The following GPC6 variants were observed in gnomAD, a reference collection of about 807,000 sequenced individuals.
GPC6 encodes glypican 6, also known as glypican-6.
A neutral mutation model predicts 55.2 loss-of-function variants in GPC6; 14 were observed. The ratio of observed to expected loss-of-function variants is 0.25; its 90% confidence interval spans 0.17 to 0.40. The LOEUF is 0.40. Among genes scored for constraint, GPC6 ranks in the 10% least tolerant of loss-of-function variants. The pLI is 1.00. For missense variants in GPC6, 641 were observed against 708.5 expected (o/e 0.90, Z 1.08); for synonymous variants, 278 against 259.6 (o/e 1.07, Z -0.68).
chr13:93,353,769 T>A (rs1880722804), intron 1 of GPC6, among the ~76,000 whole-genome samples: 1 of 152,244 alleles, frequency 6.6e-6, no homozygotes, highest in African/African-American at 2.4e-5. Flanking sequence ...CTTGCTGTTA[T>A]GTTTAATGTC....
chr13:93,663,196 T>A (rs1367895034), intron 2 of GPC6, among the ~76,000 whole-genome samples: 5 of 151,894 alleles, frequency 3.3e-5, no homozygotes, highest in Non-Finnish European at 7.4e-5. Context: ...CTTATTATAA[T>A]TTTTTTTCCT....
chr13:93,740,802 A>T (rs1398834015), intron 2 of GPC6, among the ~76,000 whole-genome samples: 1 of 152,160 alleles, frequency 6.6e-6, no homozygotes, highest in Non-Finnish European at 1.5e-5. Context: ...CAAGACTCAA[A>T]CAGTCTGATG....
chr13:94,033,981 G>A (rs1437203860), intron 4 of GPC6, among the ~76,000 whole-genome samples: 4 of 152,064 alleles, frequency 2.6e-5, no homozygotes, highest in East Asian at 1.9e-4. Flanking sequence ...ATTTGCCCTT[G>A]AGCATTCGTG....
intron 2 of GPC6, among the ~76,000 whole-genome samples, chr13:93,623,027 TG>T (rs1347862220): frequency 6.6e-6 from 1 of 152,222 alleles, no homozygotes; most frequent in Non-Finnish European, 1.5e-5. Context: ...TTTCTGTGCT[TG>T]GCTTATTTGA....
At chr13:93,949,364 C>T (rs764415362) in intron 3 of GPC6, among the ~76,000 whole-genome samples, 3 of 152,144 alleles carry the variant, frequency 2.0e-5, no homozygotes, top group Non-Finnish European at 4.4e-5. Context: ...GGTTCATGCT[C>T]ATGGTGATAG....
chr13:93,552,397 G>A (rs1875206879), intron 2 of GPC6, among the ~76,000 whole-genome samples: 1 of 152,064 alleles, frequency 6.6e-6, no homozygotes, highest in Non-Finnish European at 1.5e-5. Flanking sequence ...TGTGGTGCAT[G>A]TAGAACCCAG....
At chr13:94,339,577 A>T (rs1441318214) in intron 6 of GPC6, among the ~76,000 whole-genome samples, 1 of 152,130 alleles carries the variant, frequency 6.6e-6, no homozygotes, top group African/African-American at 2.4e-5. Context: ...GAGAACAGGA[A>T]TGCATGAAAA....
chr13:93,293,922 C>A (rs1270436887), intron 1 of GPC6, among the ~76,000 whole-genome samples: 2 of 151,130 alleles, frequency 1.3e-5, no homozygotes, highest in Non-Finnish European at 2.9e-5. Flanking sequence ...TGACCCTTGG[C>A]ACTCTATTCT....
chr13:93,274,908 G>T (rs1488374603), intron 1 of GPC6, among the ~76,000 whole-genome samples: 2 of 152,094 alleles, frequency 1.3e-5, no homozygotes, highest in South Asian at 2.1e-4. Context: ...ACAAATTAGG[G>T]TCTTACCTAA....
chr13:94,173,536 T>C (rs1888645891), intron 4 of GPC6, among the ~76,000 whole-genome samples: 1 of 152,160 alleles, frequency 6.6e-6, no homozygotes, highest in African/African-American at 2.4e-5. Context: ...AGGGAGCACT[T>C]ACAAGTGTTT....
rs902012768 is a variant in GPC6 at position 93,462,399 on chromosome 13, C to A, written c.161-82864C>A. On this transcript the variant is annotated intron_variant, in intron 1 of 8. Coordinates refer to ENST00000377047, the MANE Select transcript of GPC6 (RefSeq NM_005708.5). ...CCGACATGACACTTTTAAACACAGA[C>A]ATCTCACAGACCTCCAGAAGCCCTG... 2.0e-5 allele frequency among the ~76,000 whole-genome samples: 3 copies of A among 152,126 alleles called. No homozygotes were observed. In the East Asian group the frequency reaches 5.8e-4, roughly 29 times the overall value.
At chr13:94,186,256 T>C (rs1302231386) in intron 4 of GPC6, among the ~76,000 whole-genome samples, 1 of 152,130 alleles carries the variant, frequency 6.6e-6, no homozygotes, top group Non-Finnish European at 1.5e-5. Context: ...AGTTTACCAG[T>C]TGGATTTCGG....
chr13:94,222,837 C>A (rs1460558249), intron 4 of GPC6, among the ~76,000 whole-genome samples: 3 of 152,118 alleles, frequency 2.0e-5, no homozygotes, highest in East Asian at 3.9e-4. Context: ...TATTCTCCAC[C>A]TGTGCTCAGC....
intron 3 of GPC6, among the ~76,000 whole-genome samples, chr13:93,972,960 T>C (rs1880351668): frequency 6.6e-6 from 1 of 151,976 alleles, no homozygotes; most frequent in South Asian, 2.1e-4. Flanking sequence ...TCTCTCTCTC[T>C]CTCTCCCTCT....
intron 4 of GPC6, among the ~76,000 whole-genome samples, chr13:94,107,663 T>C (rs1886105254): frequency 6.6e-6 from 1 of 150,452 alleles, no homozygotes; most frequent in Non-Finnish European, 1.5e-5. Context: ...TGTACAACTA[T>C]AAAATATGTT....
chr13:94,302,579 C>T (rs1875711621), intron 5 of GPC6, among the ~76,000 whole-genome samples: 2 of 152,176 alleles, frequency 1.3e-5, no homozygotes, highest in South Asian at 4.1e-4. Flanking sequence ...GGTATATTCT[C>T]AGTATAAGAC....
intron 2 of GPC6, among the ~76,000 whole-genome samples, chr13:93,616,235 T>G (rs1303275868): frequency 6.6e-6 from 1 of 152,108 alleles, no homozygotes; most frequent in Non-Finnish European, 1.5e-5. Context: ...AAATAAAAAA[T>G]TGAATTGTTA....
At chr13:94,291,723 C>T (rs1315450552) in intron 5 of GPC6, among the ~76,000 whole-genome samples, 6 of 149,510 alleles carry the variant, frequency 4.0e-5, no homozygotes, top group Non-Finnish European at 7.4e-5. Context: ...TCAAAGAAAC[C>T]CTGGGACACT....
At chr13:94,121,808 T>C (rs1886641891) in intron 4 of GPC6, among the ~76,000 whole-genome samples, 1 of 152,106 alleles carries the variant, frequency 6.6e-6, no homozygotes, top group African/African-American at 2.4e-5. Context: ...CCAGGGTCTG[T>C]GGATTTCTAT....
Sources: gnomAD v4.1 joint callset for allele counts (sites outside exome capture counted in the v4.1 genomes callset) on GRCh38, gnomAD v4.1.1 for gene constraint, MANE v1.5 for transcripts, NCBI Gene and HGNC (gene_info 2026-07-23, HGNC 2026-07-21) for gene names.